The following FRMPD3 variants were observed in gnomAD, a reference collection of about 807,000 sequenced individuals.
FRMPD3 encodes the protein FERM and PDZ domain-containing protein 3.
FRMPD3 carries 42 observed loss-of-function variants against 97.9 expected under a neutral mutation model. The observed-to-expected ratio is 0.43, with a 90% CI of 0.34 to 0.55. The LOEUF (loss-of-function observed/expected upper bound fraction) is 0.55. Among genes scored for constraint, FRMPD3 ranks in the 20% least tolerant of loss-of-function variants. The pLI is 0.03. For synonymous variants in FRMPD3, 577 were observed against 581.1 expected, an observed-to-expected ratio of 0.99 and a Z score of 0.10; for missense variants, 1,303 against 1,457.7, an observed-to-expected ratio of 0.89 and a Z score of 1.73.
chrX:107,461,756 A>T (rs1409419686), intron 1 of FRMPD3, among the ~76,000 whole-genome samples: 1 of 79,330 alleles, frequency 1.3e-5, no homozygotes, highest in Non-Finnish European at 2.5e-5. Context: ...GCTGGAATTC[A>T]TTATACATAT....
chrX:107,486,147 A>T (rs1206721472), intron 1 of FRMPD3, among the ~76,000 whole-genome samples: 3 of 112,381 alleles, frequency 2.7e-5, no homozygotes, highest in African/African-American at 9.7e-5. Context: ...GGGGAGGAAG[A>T]CACGGTTGGA....
chrX:107,469,751 G>A (rs991995862), intron 1 of FRMPD3, among the ~76,000 whole-genome samples: 22 of 112,438 alleles, frequency 2.0e-4, no homozygotes, highest in Non-Finnish European at 2.4e-4. Context: ...GATTAAATGA[G>A]TTAATAATTG....
At chrX:107,455,039 A>T (rs1303494491) in intron 1 of FRMPD3, among the ~76,000 whole-genome samples, 2 of 111,353 alleles carry the variant, frequency 1.8e-5, no homozygotes, top group African/African-American at 6.6e-5. Flanking sequence ...TTACCCCAGG[A>T]TCTCCTAAAC....
In FRMPD3 at chrX:107,517,400, A is replaced by G. The variant is rs1188810352; in HGVS notation, c.-7-9182A>G. On this transcript the variant is annotated intron_variant, in intron 1 of 14. Coordinates refer to ENST00000683843, the MANE Select transcript of FRMPD3 (RefSeq NM_001388459.1). ...CGTCAGCTGAGATTTCTTGGGGAAA[A>G]TGGGAAAGTGAGGAAGATGGAGGAG... Among the ~76,000 whole-genome samples, 53 of 111,723 alleles carry G rather than the reference A, an allele frequency of 4.7e-4. No individual in the cohort carries two copies. In the Admixed American group the frequency reaches 5.0e-3, roughly 11 times the overall value.
At chrX:107,492,760 A>G (rs970519539) in intron 1 of FRMPD3, among the ~76,000 whole-genome samples, 3 of 112,041 alleles carry the variant, frequency 2.7e-5, no homozygotes, top group African/African-American at 6.5e-5. Flanking sequence ...AGTACATCAC[A>G]TTTCTCAAAC....
chrX:107,465,928 T>C (rs1158372791), intron 1 of FRMPD3, among the ~76,000 whole-genome samples: 1 of 111,707 alleles, frequency 9.0e-6, no homozygotes, highest in Non-Finnish European at 1.9e-5. Context: ...AGAAATGCTG[T>C]ATACCTACCT....
At position 107,603,249 on chromosome X, in the gene FRMPD3, A is replaced by AGCAGCAGCAGCAGCAGCAGGTG. The variant is rs1924646886; in HGVS notation, c.5219_5240dup (p.Gly1749AlafsTer36). ...CAACAACAGCAGCAGCAACAACAAC[A>AGCAGCAGCAGCAGCAGCAGGTG]GCAGCAGCAGCAGCAGCAGGTGGCA... On this transcript the variant is annotated frameshift_variant, in exon 15 of 15. Transcript: ENST00000683843. LOFTEE classifies it high-confidence loss of function. 1 of 1,099,152 alleles carries AGCAGCAGCAGCAGCAGCAGGTG rather than the reference A, an allele frequency of 9.1e-7. No individual in the cohort carries two copies. The highest frequency in any genetic ancestry group is 1.8e-5 in the African/African-American group (1 of 54,661). 90.6% of individuals were successfully genotyped at this position (1,099,152 alleles called of 1,213,427 possible). A position where few individuals can be genotyped will look rare whatever the true frequency, so the allele number is the denominator to read the frequency against.
intron 1 of FRMPD3, among the ~76,000 whole-genome samples, chrX:107,482,292 C>T (rs1039475538): frequency 9.9e-5 from 11 of 111,335 alleles, no homozygotes; most frequent in Non-Finnish European, 2.1e-4. Context: ...CCTTTGTCAG[C>T]AGAGGCTTAC....
chrX:107,500,888 T>C (rs777527424), intron 1 of FRMPD3, among the ~76,000 whole-genome samples: 61 of 110,438 alleles, frequency 5.5e-4, no homozygotes, highest in Non-Finnish European at 1.0e-3. Flanking sequence ...GAAATGCCTG[T>C]CACATAGTAA....
At chrX:107,595,846 G>C (rs902120622) in intron 13 of FRMPD3, among the ~76,000 whole-genome samples, 1 of 108,333 alleles carries the variant, frequency 9.2e-6, no homozygotes, top group Non-Finnish European at 1.9e-5. Flanking sequence ...GCTGAGGCAG[G>C]AGAATCACTT....
chrX:107,515,450 G>A (rs1922288135), intron 1 of FRMPD3, among the ~76,000 whole-genome samples: 1 of 111,236 alleles, frequency 9.0e-6, no homozygotes, highest in African/African-American at 3.3e-5. Flanking sequence ...AGGCCAATGC[G>A]GACCTTAACA....
At chrX:107,540,586 C>T (rs1272292765) in intron 4 of FRMPD3, among the ~76,000 whole-genome samples, 3 of 112,170 alleles carry the variant, frequency 2.7e-5, no homozygotes, top group South Asian at 3.7e-4. Flanking sequence ...ATATTTGCTT[C>T]AAGCAGCTTG....
chrX:107,532,182 G>A (rs1367815653), intron 3 of FRMPD3, among the ~76,000 whole-genome samples: 3 of 113,060 alleles, frequency 2.7e-5, no homozygotes, highest in Non-Finnish European at 5.6e-5. Context: ...TCTAGGTAAA[G>A]AGGATCAGGA....
rs144773409 is a variant in FRMPD3 at position 107,499,934 on chromosome X, C to T, written c.-7-26648C>T. Reference sequence around the variant, plus strand: ...ACCTCAGCCACCTATAACTGCCCTCCAAAACACCAATACTCTGGGAGGAGC... The same window carrying T: ...ACCTCAGCCACCTATAACTGCCCTCTAAAACACCAATACTCTGGGAGGAGC... On this transcript the variant is annotated intron_variant, in intron 1 of 14. Transcript: ENST00000683843. Among the ~76,000 whole-genome samples, 260 of 111,543 alleles carry T rather than the reference C, an allele frequency of 2.3e-3. 2 individuals are homozygous for T. Among genetic ancestry groups the T allele is most frequent in the African/African-American group, 8.1e-3 (250 of 30,691 alleles).
At chrX:107,494,939 T>A (rs1364315844) in intron 1 of FRMPD3, among the ~76,000 whole-genome samples, 2 of 112,063 alleles carry the variant, frequency 1.8e-5, no homozygotes, top group Non-Finnish European at 3.8e-5. Flanking sequence ...ACTAGGGGGT[T>A]GAGGATCAAC....
chrX:107,512,832 C>T (rs1300917143), intron 1 of FRMPD3, among the ~76,000 whole-genome samples: 1 of 112,365 alleles, frequency 8.9e-6, no homozygotes, highest in Non-Finnish European at 1.9e-5. Flanking sequence ...CAAGGATCTC[C>T]CCACTAATTC....
At chrX:107,500,565 G>A (rs1921879724) in intron 1 of FRMPD3, among the ~76,000 whole-genome samples, 1 of 111,322 alleles carries the variant, frequency 9.0e-6, no homozygotes, top group Admixed American at 9.5e-5. Context: ...AGGCCAAGGC[G>A]GGCGACTCAC....
chrX:107,555,224 A>G (rs1443044239), intron 8 of FRMPD3: 1 of 112,487 alleles, frequency 8.9e-6, no homozygotes, highest in Non-Finnish European at 1.9e-5. Flanking sequence ...TGAGAGAAGC[A>G]TGAGTGATTT....
At chrX:107,538,743 C>A (rs1921136572) in intron 4 of FRMPD3, among the ~76,000 whole-genome samples, 1 of 111,297 alleles carries the variant, frequency 9.0e-6, no homozygotes, top group Admixed American at 9.6e-5. Context: ...TCACTGCAAC[C>A]TTTACCTCCT....
Sources: allele counts gnomAD v4.1 joint callset (sites outside exome capture counted in the v4.1 genomes callset), GRCh38; gene constraint gnomAD v4.1.1; transcripts MANE v1.5; gene names NCBI Gene and HGNC (gene_info 2026-07-23, HGNC 2026-07-21).